The following B3GALT5 variants were observed in gnomAD, a reference collection of about 807,000 sequenced individuals.
B3GALT5 encodes the protein beta-1,3-galactosyltransferase 5.
For missense variants in B3GALT5, 328 were observed against 396.6 expected, an observed-to-expected ratio of 0.83 and a Z score of 1.47; for synonymous variants, 156 against 158.6, an observed-to-expected ratio of 0.98 and a Z score of 0.12.
intron 1 of B3GALT5, among the ~76,000 whole-genome samples, chr21:39,635,871 C>A (rs1350815374): frequency 6.6e-6 from 1 of 152,208 alleles, no homozygotes; most frequent in Non-Finnish European, 1.5e-5. Flanking sequence ...ATTGTCAGTT[C>A]TGTGCATGTG....
At chr21:39,617,329 G>C (rs919060852) in intron 1 of B3GALT5, among the ~76,000 whole-genome samples, 10 of 152,192 alleles carry the variant, frequency 6.6e-5, no homozygotes, top group African/African-American at 2.4e-4. Flanking sequence ...CTGCTATAAA[G>C]AACTTCCAGA....
In B3GALT5 at chr21:39,659,854, T is replaced by C; in HGVS notation, c.-59T>C. On this transcript the variant is annotated 5_prime_UTR_variant, in exon 3 of 4. Transcript: ENST00000684187. ...ACAGTTCTTTGAGACAAATTTCCTC[T>C]TGGCATTTACACTGTGGCTTTAGCT... The C allele has an allele frequency of 1.0e-6, 1 of 985,364 alleles. No homozygotes were observed. Among genetic ancestry groups the C allele is most frequent in the Non-Finnish European group, 1.2e-6 (1 of 829,912 alleles). 61.0% of individuals were successfully genotyped at this position (985,364 alleles called of 1,614,324 possible). A position where few individuals can be genotyped will look rare whatever the true frequency, so the allele number is the denominator to read the frequency against.
At chr21:39,642,955 G>T (rs1602278289) in intron 1 of B3GALT5, among the ~76,000 whole-genome samples, 1 of 152,212 alleles carries the variant, frequency 6.6e-6, no homozygotes, top group Middle Eastern at 3.4e-3. Flanking sequence ...GGGAGGCTGA[G>T]GCAGGAGGAT....
At chr21:39,639,300 TTCTTTC>T (rs2079256186) in intron 1 of B3GALT5, among the ~76,000 whole-genome samples, 1 of 70,154 alleles carries the variant, frequency 1.4e-5, no homozygotes, top group African/African-American at 6.1e-5. Context: ...CTTTCTTTCT[TTCTTTC>T]TTTCTTTCTT....
At chr21:39,655,073 G>A (rs556149610) in intron 2 of B3GALT5, among the ~76,000 whole-genome samples, 1 of 152,356 alleles carries the variant, frequency 6.6e-6, no homozygotes, top group African/African-American at 2.4e-5. Flanking sequence ...AGGCTGGAAA[G>A]TCCCAAGATC....
Position 39,668,519 on chromosome 21 carries a change from C to T in B3GALT5, c.*7027C>T, listed in dbSNP as rs541644375. The T allele has an allele frequency of 6.6e-6, 1 of 152,362 alleles. No homozygotes were observed. The highest frequency in any genetic ancestry group is 2.1e-4 in the South Asian group (1 of 4,828). 9.4% of individuals were successfully genotyped at this position (152,362 alleles called of 1,614,324 possible). On this transcript the variant is annotated 3_prime_UTR_variant, in exon 4 of 4. Transcript: ENST00000684187. The stretch of plus-strand genomic sequence containing the variant: ...GTTGTCTCAATGGAAGTTGTAGCCT[C>T]CTCCTCCCATGACATCATCCTCACA...
chr21:39,620,556 C>T (rs757872081), intron 1 of B3GALT5, among the ~76,000 whole-genome samples: 8 of 152,100 alleles, frequency 5.3e-5, no homozygotes, highest in East Asian at 3.9e-4. Flanking sequence ...CTTGAAGTTA[C>T]GCAAAGCATG....
chr21:39,643,571 C>T (rs1044551462), intron 1 of B3GALT5, among the ~76,000 whole-genome samples: 2 of 152,176 alleles, frequency 1.3e-5, no homozygotes, highest in Non-Finnish European at 2.9e-5. Context: ...GCTTTTTCTT[C>T]TGGTTGAATT....
In B3GALT5 at chr21:39,661,243, G is replaced by A; in HGVS notation, c.684G>A (p.Gln228=). 1 of 1,614,176 alleles carries A rather than the reference G, an allele frequency of 6.2e-7. No individual in the cohort carries two copies. The change falls in exon 4 of 4, where the codon CAG becomes CAA. Residue 228 remains glutamine, a synonymous_variant. Coordinates refer to ENST00000684187, the MANE Select transcript of B3GALT5 (RefSeq NM_001356336.2). This position sits in a 1 kb window ranked among gnomAD's most constrained non-coding sequence, Gnocchi z 4.7. ...TGTTTTCTGGCGACGTGGCGAGTCA[G>A]GTGTACAATGTCTCCAAGAGCGTCC... ...GYVFSGDVAS[Q]VYNVSKSVPY...
chr21:39,627,198 A>C (rs951655843), intron 1 of B3GALT5, among the ~76,000 whole-genome samples: 4 of 152,138 alleles, frequency 2.6e-5, no homozygotes, highest in Non-Finnish European at 5.9e-5. Context: ...TTCCTGTAGA[A>C]CTGACACTGG....
At chr21:39,641,872 C>G (rs955588431) in intron 1 of B3GALT5, among the ~76,000 whole-genome samples, 9 of 152,154 alleles carry the variant, frequency 5.9e-5, no homozygotes, top group Admixed American at 2.6e-4. Flanking sequence ...AACTAACTGT[C>G]CAGGAGTTTT....
intron 2 of B3GALT5, among the ~76,000 whole-genome samples, chr21:39,654,757 C>A (rs974106422): frequency 6.6e-6 from 1 of 152,130 alleles, no homozygotes; most frequent in Non-Finnish European, 1.5e-5. Flanking sequence ...CACATTGAGG[C>A]GAGAACCTCC....
chr21:39,638,530 T>C (rs2079245978), intron 1 of B3GALT5, among the ~76,000 whole-genome samples: 2 of 152,066 alleles, frequency 1.3e-5, no homozygotes, highest in Admixed American at 6.5e-5. Context: ...GAGAGTTTCT[T>C]CCATTCAATA....
intron 1 of B3GALT5, among the ~76,000 whole-genome samples, chr21:39,617,417 A>G (rs2079112361): frequency 6.6e-6 from 1 of 152,192 alleles, no homozygotes; most frequent in African/African-American, 2.4e-5. Context: ...GGAAACTTAC[A>G]ATCATGGCGG....
chr21:39,643,741 G>T (rs1432060305), intron 1 of B3GALT5, among the ~76,000 whole-genome samples: 1 of 152,158 alleles, frequency 6.6e-6, no homozygotes, highest in Non-Finnish European at 1.5e-5. Flanking sequence ...TTAAAGAGGG[G>T]GGAGAGATGC....
At chr21:39,636,319 G>A (rs1174945878) in intron 1 of B3GALT5, among the ~76,000 whole-genome samples, 1 of 152,214 alleles carries the variant, frequency 6.6e-6, no homozygotes, top group Non-Finnish European at 1.5e-5. Context: ...AGACCATGCT[G>A]TGGCCTGGAG....
chr21:39,660,955 C>A lies in B3GALT5; in HGVS notation c.396C>A (p.Thr132=). Residue 132 remains threonine, a synonymous_variant, in exon 4 of 4, where the codon ACC becomes ACA. Transcript: ENST00000684187. ...KDFLDVYYNL[T]LKTMMGIEWV... is the part of the protein sequence containing the mutation. ...TCCTAGACGTCTATTACAATCTGACCCTGAAGACCATGATGGGCATAGAAT... is the reference window on the plus strand; with the variant it reads ...TCCTAGACGTCTATTACAATCTGACACTGAAGACCATGATGGGCATAGAAT... The A allele has an allele frequency of 6.2e-7, 1 of 1,606,010 alleles. No homozygotes were observed. The highest frequency in any genetic ancestry group is 1.1e-5 in the South Asian group (1 of 90,016).
intron 1 of B3GALT5, among the ~76,000 whole-genome samples, chr21:39,614,080 T>A (rs1712464422): frequency 2.0e-5 from 3 of 152,302 alleles, no homozygotes; most frequent in Non-Finnish European, 2.9e-5. Context: ...GTGGCTGCTG[T>A]TGAGAGTATT....
At chr21:39,648,027 G>A (rs532309533) in intron 2 of B3GALT5, among the ~76,000 whole-genome samples, 59 of 152,238 alleles carry the variant, frequency 3.9e-4, no homozygotes, top group Non-Finnish European at 8.1e-4. Flanking sequence ...GTTTAGTTTA[G>A]TTTTGGGTCA....
Sources: gnomAD v4.1 joint callset for allele counts (sites outside exome capture counted in the v4.1 genomes callset) on GRCh38, gnomAD v4.1.1 for gene constraint, Gnocchi (gnomAD v3.1) non-coding constraint, MANE v1.5 for transcripts, NCBI Gene and HGNC (gene_info 2026-07-23, HGNC 2026-07-21) for gene names.